Variants in TUSC2 observed in about 807,000 individuals in gnomAD.
TUSC2 encodes tumor suppressor candidate 2.
Under a neutral mutation model 11.5 loss-of-function variants are expected in TUSC2, and 7 were observed. The observed-to-expected ratio is 0.61, with a 90% CI of 0.35 to 1.14. The LOEUF is 1.14. Ranked by LOEUF, TUSC2 falls within the 50% of genes most tolerant of loss-of-function variation. TUSC2 has a pLI of 0.03. For synonymous variants in TUSC2, 61 were observed against 64.1 expected (o/e 0.95, Z 0.23); for missense variants, 132 against 155.0 (o/e 0.85, Z 0.79).
Position 50,328,126 on chromosome 3 carries a change from C to A in TUSC2, c.-27G>T, listed in dbSNP as rs1702815872. ...TCAGGGCCGCCGGCGCATGGCGGGC[C>A]CCGTGGCCGCTCTGCTCACACCGCA... On this transcript the variant is annotated 5_prime_UTR_variant, in exon 1 of 3. Transcript: ENST00000232496. 2 of 1,364,398 alleles carry A rather than the reference C, an allele frequency of 1.5e-6. No homozygotes were observed. The highest frequency in any genetic ancestry group is 3.1e-5 in the African/African-American group (2 of 65,110). 84.5% of individuals were successfully genotyped at this position (1,364,398 alleles called of 1,614,324 possible).
chr3:50,327,844 G>A, intron 1 of TUSC2, 110 bp downstream of exon 1: 1 of 1,322,388 alleles, frequency 7.6e-7, no homozygotes, highest in Non-Finnish European at 9.7e-7. Context: ...AAAATATGGG[G>A]GTCGTCCTGG....
Position 50,326,135 on chromosome 3 carries a change from G to A in TUSC2, c.319C>T (p.Leu107Phe), listed in dbSNP as rs782121541. Residue 107 changes from leucine (L) to phenylalanine (F), a missense_variant, in exon 3 of 3, where the codon CTC becomes TTC. By Grantham distance (22) the Leu-to-Phe change is conservative. Around this residue, in one of 3 missense-constraint regions of TUSC2, gnomAD observed 65 missense variants for 94.0 expected, o/e 0.69. Coordinates refer to ENST00000232496, the MANE Select transcript of TUSC2 (RefSeq NM_007275.3). ...PRIHVDFPVI[L>F]YEV The stretch of plus-strand genomic sequence containing the variant: ...ACCTCCCAGGGTCACACCTCATAGA[G>A]GATCACAGGGAAATCCACGTGGATG... The A allele has an allele frequency of 7.5e-6, 12 of 1,591,854 alleles. No homozygotes were observed. In the Admixed American group the frequency reaches 2.0e-4, roughly 26 times the overall value.
At chr3:50,326,954 C>T (rs587765738) in intron 1 of TUSC2, 2 of 337,844 alleles carry the variant, frequency 5.9e-6, no homozygotes, top group Non-Finnish European at 1.2e-5. Context: ...TTGGGGTCTA[C>T]TAGAAGAAAG....
At position 50,325,840 on chromosome 3, in the gene TUSC2, G is replaced by C; in HGVS notation, c.*281C>G. On this transcript the variant is annotated 3_prime_UTR_variant, in exon 3 of 3. Coordinates refer to ENST00000232496, the MANE Select transcript of TUSC2 (RefSeq NM_007275.3). This position sits in a 1 kb window ranked among gnomAD's most constrained non-coding sequence, Gnocchi z 5.1. ...AACCAGGTAACGGGCATTCCTGACT[G>C]GTATATGCCCTGCTGTGCTGCTTGC... 1 of 506,408 alleles carries C rather than the reference G, an allele frequency of 2.0e-6. No homozygotes were observed. The highest frequency in any genetic ancestry group is 3.6e-6 in the Non-Finnish European group (1 of 279,354). 31.4% of individuals were successfully genotyped at this position (506,408 alleles called of 1,614,324 possible).
In TUSC2 at chr3:50,326,489, G is replaced by A; in HGVS notation, c.147-12C>T. On this transcript the variant is annotated splice_polypyrimidine_tract_variant and intron_variant, in intron 1 of 2. Transcript: ENST00000232496. ...CATAGAACATAGAGCTGTGTAGAGGGAGAAGGAAACAGGCTGGGCTGGAGC... is the reference window on the plus strand; with the variant it reads ...CATAGAACATAGAGCTGTGTAGAGGAAGAAGGAAACAGGCTGGGCTGGAGC... 1 of 1,612,806 alleles carries A rather than the reference G, an allele frequency of 6.2e-7. No individual in the cohort carries two copies. The highest frequency in any genetic ancestry group is 1.1e-5 in the South Asian group (1 of 91,058).
chr3:50,328,124 G>T lies in TUSC2; in HGVS notation c.-25C>A. ...TGTCAGGGCCGCCGGCGCATGGCGG[G>T]CCCCGTGGCCGCTCTGCTCACACCG... On this transcript the variant is annotated 5_prime_UTR_variant, in exon 1 of 3. Coordinates refer to ENST00000232496, the MANE Select transcript of TUSC2 (RefSeq NM_007275.3). 1.5e-6 allele frequency: 2 copies of T among 1,364,374 alleles called. No individual in the cohort carries two copies. Among genetic ancestry groups the T allele is most frequent in the Non-Finnish European group, 1.9e-6 (2 of 1,060,164 alleles). The allele number at this position is 1,364,374 out of a possible 1,614,324, so 84.5% of individuals were successfully genotyped here. A position where few individuals can be genotyped will look rare whatever the true frequency, so the allele number is the denominator to read the frequency against.
chr3:50,327,932 A>G, intron 1 of TUSC2, 22 bp downstream of exon 1: 1 of 1,450,424 alleles, frequency 6.9e-7, no homozygotes, highest in Non-Finnish European at 9.1e-7. Flanking sequence ...TCCCCCCGCC[A>G]GGGTGGAACC....
At position 50,328,058 on chromosome 3, in the gene TUSC2, G is replaced by A; in HGVS notation, c.42C>T (p.Phe14=). The part of the protein sequence containing the change: ...SGSKARGLWP[F]ASAAGGGGSE... ...AGCCGCCGCCTCCGGCCGCCGAGGC[G>A]AAGGGCCACAGGCCCCGAGCTTTGG... Residue 14 remains phenylalanine, a synonymous_variant, in exon 1 of 3, where the codon TTC becomes TTT. Coordinates refer to ENST00000232496, the MANE Select transcript of TUSC2 (RefSeq NM_007275.3). The A allele has an allele frequency of 6.7e-7, 1 of 1,492,022 alleles. No individual in the cohort carries two copies. Among genetic ancestry groups the A allele is most frequent in the Admixed American group, 2.2e-5 (1 of 44,968 alleles). 92.4% of individuals were successfully genotyped at this position (1,492,022 alleles called of 1,614,324 possible). A position where few individuals can be genotyped will look rare whatever the true frequency, so the allele number is the denominator to read the frequency against.
Position 50,328,159 on chromosome 3 carries a change from C to G in TUSC2, c.-60G>C, listed in dbSNP as rs1031968038. The G allele has an allele frequency of 4.6e-6, 6 of 1,304,942 alleles. No individual in the cohort carries two copies. Among genetic ancestry groups the G allele is most frequent in the Non-Finnish European group, 4.9e-6 (5 of 1,026,068 alleles). 80.8% of individuals were successfully genotyped at this position (1,304,942 alleles called of 1,614,324 possible). A position where few individuals can be genotyped will look rare whatever the true frequency, so the allele number is the denominator to read the frequency against. ...CGCTCTGCTCACACCGCAGTCCGCACTACCATAACCTGCCCCAGCCGCTGA... is the reference window on the plus strand; with the variant it reads ...CGCTCTGCTCACACCGCAGTCCGCAGTACCATAACCTGCCCCAGCCGCTGA... On this transcript the variant is annotated 5_prime_UTR_variant, in exon 1 of 3. Transcript: ENST00000232496.
rs1553717350 is a variant in TUSC2, at chr3:50,326,097, G to A, written c.*24C>T. 6.4e-7 allele frequency: 1 copy of A among 1,567,426 alleles called. No homozygotes were observed. ...GGAGTTTCTTGCCGGGGCAGGGGGT[G>A]CTTCTGTCTGCCACCTCCCAGGGTC... is the stretch of plus-strand genomic sequence containing the variant. On this transcript the variant is annotated 3_prime_UTR_variant, in exon 3 of 3. Coordinates refer to ENST00000232496, the MANE Select transcript of TUSC2 (RefSeq NM_007275.3).
At position 50,325,761 on chromosome 3, in the gene TUSC2, C is replaced by A; in HGVS notation, c.*360G>T. 1 of 325,802 alleles carries A rather than the reference C, an allele frequency of 3.1e-6. No individual in the cohort carries two copies. The allele number at this position is 325,802 out of a possible 1,614,324, so 20.2% of individuals were successfully genotyped here. ...ATACCTTGCTTGTAAAGTGCTGTAG[C>A]CTCTAGCAGGGCTAGGCCCCAGGCA... On this transcript the variant is annotated 3_prime_UTR_variant, in exon 3 of 3. Coordinates refer to ENST00000232496, the MANE Select transcript of TUSC2 (RefSeq NM_007275.3). This position sits in a 1 kb window ranked among gnomAD's most constrained non-coding sequence, Gnocchi z 5.1.
intron 1 of TUSC2, among the ~76,000 whole-genome samples, 156 bp downstream of exon 1, chr3:50,327,798 G>A (rs887610484): frequency 6.6e-6 from 1 of 152,192 alleles, no homozygotes; most frequent in Non-Finnish European, 1.5e-5. Context: ...GGAGACCACT[G>A]CCCGGCTTTC....
intron 1 of TUSC2, among the ~76,000 whole-genome samples, chr3:50,326,842 T>C (rs1702794968): frequency 6.6e-6 from 1 of 152,144 alleles, no homozygotes. Context: ...GGTCTCGAAC[T>C]CCTGAACTCA....
chr3:50,328,221 G>T lies in TUSC2; in HGVS notation c.-122C>A, dbSNP rs2109331859. 1 of 1,193,638 alleles carries T rather than the reference G, an allele frequency of 8.4e-7. No individual in the cohort carries two copies. The highest frequency in any genetic ancestry group is 3.2e-5 in the East Asian group (1 of 31,284). The allele number at this position is 1,193,638 out of a possible 1,614,324, so 73.9% of individuals were successfully genotyped here. ...GCCGCCGCCGCCTTCCGCAGGCTCGGCTGTCTCCACGGAAACCTCACTTCC... is the reference window on the plus strand; with the variant it reads ...GCCGCCGCCGCCTTCCGCAGGCTCGTCTGTCTCCACGGAAACCTCACTTCC... On this transcript the variant is annotated 5_prime_UTR_variant, in exon 1 of 3. Coordinates refer to ENST00000232496, the MANE Select transcript of TUSC2 (RefSeq NM_007275.3).
chr3:50,326,544 G>A, intron 1 of TUSC2, 67 bp from the exon 2 acceptor site: 2 of 1,595,418 alleles, frequency 1.3e-6, no homozygotes, highest in East Asian at 2.2e-5. Context: ...AATGTCACAG[G>A]TCACGGGGAA....
intron 1 of TUSC2, 62 bp downstream of exon 1, chr3:50,327,892 G>A (rs2109331411): frequency 4.3e-6 from 6 of 1,384,892 alleles, no homozygotes; most frequent in Middle Eastern, 2.6e-4. Flanking sequence ...AAGTTCCCCC[G>A]TGGCGCGGGA....
At position 50,325,920 on chromosome 3, in the gene TUSC2, C is replaced by T. The variant is rs111616266; in HGVS notation, c.*201G>A. On this transcript the variant is annotated 3_prime_UTR_variant, in exon 3 of 3. Coordinates refer to ENST00000232496, the MANE Select transcript of TUSC2 (RefSeq NM_007275.3). This position sits in a 1 kb window ranked among gnomAD's most constrained non-coding sequence, Gnocchi z 5.1. ...CTCTGCCATTAGCCTTCACCACCCA[C>T]CAACCACCTCTTGTCCACACACAAA... 309 of 666,544 alleles carry T rather than the reference C, an allele frequency of 4.6e-4. No individual in the cohort carries two copies. The African/African-American group carries it at 4.9e-3, about 11-fold the overall frequency. The allele number at this position is 666,544 out of a possible 1,614,324, so 41.3% of individuals were successfully genotyped here.
At position 50,326,284 on chromosome 3, in the gene TUSC2, T is replaced by C. The variant is rs1702786978; in HGVS notation, c.267+73A>G. Reference sequence around the variant, plus strand: ...GATCCCCCCGCAAAAGCCCCCACCATGACAACAGATCCCATCTGGGTCCAC... The same window carrying C: ...GATCCCCCCGCAAAAGCCCCCACCACGACAACAGATCCCATCTGGGTCCAC... On this transcript the variant is annotated intron_variant, in intron 2 of 2. Coordinates refer to ENST00000232496, the MANE Select transcript of TUSC2 (RefSeq NM_007275.3). The C allele has an allele frequency of 1.9e-6, 3 of 1,608,894 alleles. No individual in the cohort carries two copies. In the Admixed American group the frequency reaches 5.0e-5, roughly 27 times the overall value.
At chr3:50,327,505 G>A (rs1432966666) in intron 1 of TUSC2, among the ~76,000 whole-genome samples, 1 of 152,154 alleles carries the variant, frequency 6.6e-6, no homozygotes, top group Non-Finnish European at 1.5e-5. Flanking sequence ...CCAATACTGA[G>A]GCCTATCCCT....
Sources: gnomAD v4.1 joint callset for allele counts (sites outside exome capture counted in the v4.1 genomes callset) on GRCh38, gnomAD v4.1.1 for gene constraint, gnomAD v4.1.1 regional missense constraint, Gnocchi (gnomAD v3.1) non-coding constraint, MANE v1.5 for transcripts, NCBI Gene and HGNC (gene_info 2026-07-23, HGNC 2026-07-21) for gene names.